Variants in DPF3 observed in about 807,000 individuals in gnomAD.
DPF3 encodes zinc finger protein DPF3.
Under a neutral mutation model 56.8 loss-of-function variants are expected in DPF3, and 18 were observed. That is an observed-to-expected ratio of 0.32 (90% CI 0.22 to 0.47). The LOEUF (loss-of-function observed/expected upper bound fraction) is 0.47. DPF3 is among the 20% of genes least tolerant of loss of function. The pLI, the probability that DPF3 is intolerant of heterozygous loss-of-function variation, is 1.00. For missense variants in DPF3, 403 were observed against 488.8 expected, an observed-to-expected ratio of 0.82 and a Z score of 1.65; for synonymous variants, 188 against 180.2, an observed-to-expected ratio of 1.04 and a Z score of -0.35.
In DPF3 at chr14:72,676,428, C is replaced by T. The variant is rs186808953; in HGVS notation, c.743-2060G>A. ...AACTAAAGAATCTGATTTTCTCCAA[C>T]ACACTGTCTCCCTCATGACGTATGA... On this transcript the variant is annotated intron_variant, in intron 7 of 10. Coordinates refer to ENST00000556509, the MANE Select transcript of DPF3 (RefSeq NM_001280542.3). Among the ~76,000 whole-genome samples, 4 of 152,312 alleles carry T rather than the reference C, an allele frequency of 2.6e-5. No homozygotes were observed. The East Asian group carries it at 7.7e-4, about 29-fold the overall frequency.
At chr14:72,773,851 G>A (rs1891643823) in intron 1 of DPF3, 1 of 454,956 alleles carries the variant, frequency 2.2e-6, no homozygotes, top group South Asian at 1.6e-5. Context: ...TATTTTTTAA[G>A]TCAGAATAAT....
At chr14:72,769,172 T>C (rs1001352983) in intron 2 of DPF3, among the ~76,000 whole-genome samples, 4 of 152,284 alleles carry the variant, frequency 2.6e-5, no homozygotes, top group East Asian at 1.9e-4. Context: ...TTAGTTCTAG[T>C]CACTGATAAG....
intron 8 of DPF3, among the ~76,000 whole-genome samples, chr14:72,658,136 A>G (rs1235628110): frequency 1.3e-5 from 2 of 152,236 alleles, no homozygotes; most frequent in African/African-American, 2.4e-5. Context: ...ATATTTTAAA[A>G]TAATGTAAAG....
Position 72,813,539 on chromosome 14 carries a change from C to T in DPF3, c.33-41646G>A, listed in dbSNP as rs985722177. On this transcript the variant is annotated intron_variant, in intron 1 of 10. Transcript: ENST00000556509. ...AGAACAAACCCACTCACAAATATCTCATCCTGGCCTCCCCCCCGGCACCCA... is the reference window on the plus strand; with the variant it reads ...AGAACAAACCCACTCACAAATATCTTATCCTGGCCTCCCCCCCGGCACCCA... Among the ~76,000 whole-genome samples the T allele has an allele frequency of 3.9e-5, 6 of 152,192 alleles. No individual in the cohort carries two copies. In the East Asian group the frequency reaches 9.7e-4, roughly 24 times the overall value.
intron 6 of DPF3, among the ~76,000 whole-genome samples, chr14:72,710,140 G>A (rs1038645246): frequency 3.3e-5 from 5 of 152,142 alleles, no homozygotes; most frequent in African/African-American, 7.2e-5. Flanking sequence ...AGAAAAATTC[G>A]GGCTTGGGAG....
chr14:72,879,962 G>A, intron 1 of DPF3: 1 of 1,476,002 alleles, frequency 6.8e-7, no homozygotes, highest in African/African-American at 1.4e-5. Flanking sequence ...GATTGCCAAA[G>A]AAAGGTGAAA....
chr14:72,844,144 G>T (rs2140072655), intron 1 of DPF3, among the ~76,000 whole-genome samples: 1 of 152,206 alleles, frequency 6.6e-6, no homozygotes, highest in East Asian at 1.9e-4. Flanking sequence ...ATAAAACACG[G>T]GTACACACAT....
chr14:72,815,192 A>G (rs1883230972), intron 1 of DPF3, among the ~76,000 whole-genome samples: 1 of 152,190 alleles, frequency 6.6e-6, no homozygotes, highest in Non-Finnish European at 1.5e-5. Flanking sequence ...ACATTTCACA[A>G]AAGAAAAGAT....
At chr14:72,820,738 T>C (rs1190881191) in intron 1 of DPF3, among the ~76,000 whole-genome samples, 3 of 152,186 alleles carry the variant, frequency 2.0e-5, no homozygotes, top group African/African-American at 7.2e-5. Flanking sequence ...TTCACACCTA[T>C]AATCCCAGCA....
intron 8 of DPF3, chr14:72,662,752 T>C: frequency 1.0e-6 from 1 of 992,026 alleles, no homozygotes; most frequent in Non-Finnish European, 1.2e-6. Flanking sequence ...GAGGAGGAGG[T>C]GCCAATCATC....
chr14:72,774,217 T>C (rs1891662803), intron 1 of DPF3, among the ~76,000 whole-genome samples: 1 of 144,872 alleles, frequency 6.9e-6, no homozygotes, highest in Non-Finnish European at 1.5e-5. Flanking sequence ...TGAGTTGGGA[T>C]TGTGCCACTG....
chr14:72,664,818 A>G (rs1886379237), intron 8 of DPF3, among the ~76,000 whole-genome samples: 1 of 152,222 alleles, frequency 6.6e-6, no homozygotes, highest in Non-Finnish European at 1.5e-5. Flanking sequence ...GGTGTCAGGC[A>G]CTGTCTGGAG....
intron 3 of DPF3, among the ~76,000 whole-genome samples, chr14:72,747,175 C>T (rs752731071): frequency 3.9e-5 from 6 of 152,218 alleles, no homozygotes; most frequent in Non-Finnish European, 7.3e-5. Flanking sequence ...AACCCTCTTA[C>T]CTCTTCCTTC....
intron 3 of DPF3, among the ~76,000 whole-genome samples, chr14:72,732,315 G>T (rs1424775007): frequency 6.6e-6 from 1 of 152,240 alleles, no homozygotes. Context: ...AGGTGGTTTT[G>T]TAAGGGGACA....
chr14:72,704,154 G>A (rs775447636), intron 6 of DPF3, among the ~76,000 whole-genome samples: 18 of 152,328 alleles, frequency 1.2e-4, no homozygotes, highest in East Asian at 3.9e-4. Context: ...TTCTGACTCC[G>A]GAGCCACCTT....
intron 1 of DPF3, among the ~76,000 whole-genome samples, chr14:72,849,388 C>G (rs1158579704): frequency 6.6e-6 from 1 of 152,070 alleles, no homozygotes; most frequent in East Asian, 1.9e-4. Flanking sequence ...TCTCTTTTGC[C>G]CTCTCCTCTC....
intron 8 of DPF3, among the ~76,000 whole-genome samples, chr14:72,655,268 AT>A (rs1826952307): frequency 6.6e-6 from 1 of 152,148 alleles, no homozygotes; most frequent in African/African-American, 2.4e-5. Context: ...AATTTTTGTC[AT>A]TTATCTATAT....
intron 8 of DPF3, chr14:72,670,638 T>TCC: frequency 1.5e-6 from 1 of 658,282 alleles, no homozygotes; most frequent in Non-Finnish European, 1.9e-6. Context: ...ATTTCCCTTC[T>TCC]CTCTCTCTCT....
At chr14:72,724,860 C>T (rs1889332431) in intron 4 of DPF3, among the ~76,000 whole-genome samples, 2 of 151,976 alleles carry the variant, frequency 1.3e-5, no homozygotes, top group African/African-American at 4.8e-5. Context: ...AGGCACATGC[C>T]ACCATGCCTG....
Sources: gnomAD v4.1 joint callset for allele counts (sites outside exome capture counted in the v4.1 genomes callset) on GRCh38, gnomAD v4.1.1 for gene constraint, MANE v1.5 for transcripts, NCBI Gene and HGNC (gene_info 2026-07-23, HGNC 2026-07-21) for gene names.